RBFOX1: variants seen among roughly 807,000 people sequenced by gnomAD.
RBFOX1 encodes RNA binding protein fox-1 homolog 1.
In RBFOX1, 8 loss-of-function variants were observed where a neutral mutation model predicts 57.7. The observed-to-expected ratio is 0.14, with a 90% CI of 0.08 to 0.25. The LOEUF (loss-of-function observed/expected upper bound fraction) is 0.25, where lower values mean the gene tolerates loss of function less well. Ranked by LOEUF, RBFOX1 falls within the 10% of genes least tolerant of loss-of-function variation. The pLI is 1.00. For missense variants in RBFOX1, 611 were observed against 548.5 expected (o/e 1.11, Z -1.14); for synonymous variants, 326 against 222.4 (o/e 1.47, Z -4.15).
chr16:5,914,049 G>A (rs868501592), intron 4 of RBFOX1, among the ~76,000 whole-genome samples: 1 of 152,192 alleles, frequency 6.6e-6, no homozygotes, highest in Non-Finnish European at 1.5e-5. Context: ...TTTGATTCAA[G>A]GACAGAGGCA....
chr16:6,173,223 G>A (rs1336321496), intron 1 of RBFOX1, among the ~76,000 whole-genome samples: 1 of 152,132 alleles, frequency 6.6e-6, no homozygotes, highest in Non-Finnish European at 1.5e-5. Flanking sequence ...CTTCTGAGGG[G>A]TGGGGTAGGC....
chr16:7,036,503 G>A (rs1379994761), intron 3 of RBFOX1, among the ~76,000 whole-genome samples: 8 of 151,944 alleles, frequency 5.3e-5, no homozygotes, highest in Non-Finnish European at 1.0e-4. Flanking sequence ...AAGGGCAGGA[G>A]TTTGAGACCA....
At chr16:5,973,695 AG>A (rs1400117537) in intron 4 of RBFOX1, among the ~76,000 whole-genome samples, 2 of 152,150 alleles carry the variant, frequency 1.3e-5, no homozygotes, top group Non-Finnish European at 2.9e-5. Context: ...CAGTAGACTG[AG>A]TTTCTTTGTT....
At chr16:5,833,082 A>G (rs1456664022) in intron 3 of RBFOX1, among the ~76,000 whole-genome samples, 1 of 152,214 alleles carries the variant, frequency 6.6e-6, no homozygotes, top group Non-Finnish European at 1.5e-5. Flanking sequence ...GGTACAGTAC[A>G]GGACAATGCA....
intron 4 of RBFOX1, among the ~76,000 whole-genome samples, chr16:7,089,350 A>G: frequency 6.6e-6 from 1 of 152,190 alleles, no homozygotes; most frequent in East Asian, 1.9e-4. Flanking sequence ...TATTTTTGAC[A>G]GTGGAGGTTG....
intron 4 of RBFOX1, among the ~76,000 whole-genome samples, chr16:7,420,091 C>T (rs973258676): frequency 6.6e-6 from 1 of 152,020 alleles, no homozygotes; most frequent in African/African-American, 2.4e-5. Context: ...TTGTTGTCAG[C>T]CTTCCTGTTC....
chr16:6,015,673 T>G (rs2094989206), upstream of RBFOX1, among the ~76,000 whole-genome samples: 1 of 152,224 alleles, frequency 6.6e-6, no homozygotes, highest in Non-Finnish European at 1.5e-5. Context: ...TTTCATAAGC[T>G]GTATTCTCCT....
At chr16:7,532,917 G>A (rs1440583996) in intron 5 of RBFOX1, among the ~76,000 whole-genome samples, 1 of 152,200 alleles carries the variant, frequency 6.6e-6, no homozygotes, top group Non-Finnish European at 1.5e-5. Flanking sequence ...TTGGCCTGCT[G>A]GCTGCATTCA....
At chr16:7,447,006 G>C (rs1047573078) in intron 4 of RBFOX1, among the ~76,000 whole-genome samples, 2 of 151,028 alleles carry the variant, frequency 1.3e-5, no homozygotes, top group Non-Finnish European at 2.9e-5. Context: ...TAGAGAATGG[G>C]TTTCACCATG....
intron 4 of RBFOX1, among the ~76,000 whole-genome samples, chr16:7,153,364 T>G (rs2152303994): frequency 6.6e-6 from 1 of 152,248 alleles, no homozygotes; most frequent in African/African-American, 2.4e-5. Flanking sequence ...AAATGCAACC[T>G]TTTATTTTAG....
intron 3 of RBFOX1, among the ~76,000 whole-genome samples, chr16:5,697,664 G>C (rs1281330145): frequency 5.3e-5 from 8 of 150,226 alleles, no homozygotes; most frequent in African/African-American, 2.0e-4. Flanking sequence ...CCTCCAAGTA[G>C]CTAGGACTAC....
At chr16:6,526,759 G>T (rs1027133498) in intron 2 of RBFOX1, among the ~76,000 whole-genome samples, 2 of 146,368 alleles carry the variant, frequency 1.4e-5, no homozygotes, top group African/African-American at 5.1e-5. Flanking sequence ...GAACCTGGGA[G>T]GCAGAGCTTG....
chr16:6,884,307 T>A (rs1480406267), intron 3 of RBFOX1, among the ~76,000 whole-genome samples: 1 of 152,202 alleles, frequency 6.6e-6, no homozygotes, highest in African/African-American at 2.4e-5. Context: ...ACTGCAGCTC[T>A]GAGCCTTGCT....
At chr16:7,553,887 T>G (rs1462643274) in intron 5 of RBFOX1, among the ~76,000 whole-genome samples, 3 of 152,230 alleles carry the variant, frequency 2.0e-5, no homozygotes. Flanking sequence ...GCAGGTCTTT[T>G]TGAAGAGCTA....
intron 4 of RBFOX1, among the ~76,000 whole-genome samples, chr16:7,264,999 T>G (rs747682539): frequency 5.9e-5 from 9 of 152,232 alleles, no homozygotes; most frequent in Admixed American, 2.6e-4. Flanking sequence ...CATTTGCGGT[T>G]TTCAAACCAT....
chr16:7,454,069 C>G (rs2057976262), intron 4 of RBFOX1, among the ~76,000 whole-genome samples: 2 of 152,138 alleles, frequency 1.3e-5, no homozygotes, highest in Admixed American at 6.5e-5. Context: ...CCCGTCTCTA[C>G]TAAAAATACA....
intron 2 of RBFOX1, among the ~76,000 whole-genome samples, chr16:6,505,974 A>G (rs922510233): frequency 3.9e-5 from 6 of 152,168 alleles, no homozygotes; most frequent in Non-Finnish European, 8.8e-5. Context: ...AGAGGAAATC[A>G]CATCATCACA....
intron 4 of RBFOX1, among the ~76,000 whole-genome samples, chr16:7,091,181 T>C (rs12709175): frequency 0.38 from 57,072 of 151,998 alleles, 11,017 homozygotes; most frequent in Non-Finnish European, 0.41. Flanking sequence ...TTATTATTTT[T>C]ACTCACATTT....
chr16:7,518,144 C>G lies in RBFOX1; in HGVS notation c.28-3C>G. The G allele has an allele frequency of 2.5e-6, 4 of 1,602,464 alleles. No individual in the cohort carries two copies. Among genetic ancestry groups the G allele is most frequent in the Non-Finnish European group, 3.4e-6 (4 of 1,175,420 alleles). ...CCCTCTCTGCACCTTTTTGATTTTTCAGGGTAATCAGGAAGCAGCCGCTGC... is the reference window on the plus strand; with the variant it reads ...CCCTCTCTGCACCTTTTTGATTTTTGAGGGTAATCAGGAAGCAGCCGCTGC... On this transcript the variant is annotated splice_region_variant and splice_polypyrimidine_tract_variant and intron_variant, in intron 4 of 15. Transcript: ENST00000550418.
Sources: allele counts gnomAD v4.1 joint callset (sites outside exome capture counted in the v4.1 genomes callset), GRCh38; gene constraint gnomAD v4.1.1; transcripts MANE v1.5; gene names NCBI Gene and HGNC (gene_info 2026-07-23, HGNC 2026-07-21).